Variants in ANO10 observed in about 807,000 individuals in gnomAD.
The protein encoded by ANO10 is anoctamin-10.
ANO10 carries 77 observed loss-of-function variants against 74.7 expected under a neutral mutation model. The observed-to-expected ratio is 1.03, with a 90% CI of 0.86 to 1.25. ANO10 has a LOEUF of 1.25. Ranked by LOEUF, ANO10 falls within the 50% of genes most tolerant of loss-of-function variation. ANO10 has a pLI of 0.00. For synonymous variants in ANO10, 279 were observed against 284.9 expected, an observed-to-expected ratio of 0.98 and a Z score of 0.21; for missense variants, 721 against 778.1, an observed-to-expected ratio of 0.93 and a Z score of 0.87.
intron 11 of ANO10, among the ~76,000 whole-genome samples, chr3:43,513,658 C>T (rs1180643951): frequency 6.6e-6 from 1 of 152,158 alleles, no homozygotes; most frequent in Non-Finnish European, 1.5e-5. Flanking sequence ...CTACAGGCGC[C>T]TGCCACCACG....
intron 8 of ANO10, among the ~76,000 whole-genome samples, chr3:43,562,165 G>C (rs544389147): frequency 1.3e-5 from 2 of 151,992 alleles, no homozygotes; most frequent in East Asian, 3.9e-4. Context: ...GAGATGGAAA[G>C]TTTGAGGCCG....
intron 5 of ANO10, 127 bp from the exon 6 acceptor site, chr3:43,577,388 T>C (rs148388173): frequency 1.1e-6 from 1 of 934,974 alleles, no homozygotes; most frequent in Non-Finnish European, 1.7e-6. Context: ...AAACAGCGTG[T>C]GGTGGTAAAT....
chr3:43,690,902 C>A, intron 1 of ANO10: 1 of 1,388,840 alleles, frequency 7.2e-7, no homozygotes, highest in Non-Finnish European at 9.5e-7. Flanking sequence ...TGGCGGCCTG[C>A]GCCGCCTTAA....
At chr3:43,598,857 T>G (rs919637427) in intron 3 of ANO10, among the ~76,000 whole-genome samples, 191 bp from the exon 4 acceptor site, 1 of 152,254 alleles carries the variant, frequency 6.6e-6, no homozygotes, top group Non-Finnish European at 1.5e-5. Context: ...AATTCTGTTA[T>G]GCCTTCACGT....
chr3:43,547,347 C>CAA (rs1454265683), intron 11 of ANO10, among the ~76,000 whole-genome samples: 1 of 152,122 alleles, frequency 6.6e-6, no homozygotes, highest in African/African-American at 2.4e-5. Flanking sequence ...GTTGCCAGAA[C>CAA]AAAGTTATCA....
At chr3:43,539,315 C>T (rs951105849) in intron 11 of ANO10, among the ~76,000 whole-genome samples, 4 of 151,986 alleles carry the variant, frequency 2.6e-5, no homozygotes, top group Non-Finnish European at 5.9e-5. Flanking sequence ...CTATTTTCAA[C>T]TTTCTAAAGC....
chr3:43,652,871 A>G (rs1039262869), intron 1 of ANO10: 1 of 152,104 alleles, frequency 6.6e-6, no homozygotes, highest in African/African-American at 2.4e-5. Flanking sequence ...AGTGTTAATA[A>G]CATCATTAAT....
chr3:43,376,217 G>A (rs560445590), intron 12 of ANO10, among the ~76,000 whole-genome samples: 3 of 152,328 alleles, frequency 2.0e-5, no homozygotes, highest in African/African-American at 7.2e-5. Flanking sequence ...AACAAGAAAG[G>A]TTAAAATAAG....
chr3:43,639,753 C>A (rs567242735), intron 1 of ANO10, among the ~76,000 whole-genome samples: 2 of 146,868 alleles, frequency 1.4e-5, no homozygotes, highest in Non-Finnish European at 3.0e-5. Flanking sequence ...TCCAGCCTGG[C>A]GACAGAGTAA....
chr3:43,616,321 C>T (rs1408952092), intron 1 of ANO10, among the ~76,000 whole-genome samples: 1 of 152,208 alleles, frequency 6.6e-6, no homozygotes, highest in Admixed American at 6.5e-5. Flanking sequence ...GAATCCAATG[C>T]TCTTTGAACA....
intron 11 of ANO10, among the ~76,000 whole-genome samples, chr3:43,461,203 A>G (rs2075363430): frequency 1.3e-5 from 2 of 152,312 alleles, no homozygotes; most frequent in South Asian, 4.1e-4. Flanking sequence ...TAAATGTTCT[A>G]TAGAAATTAA....
Position 43,561,768 on chromosome 3 carries a change from C to T in ANO10, c.1294-366G>A, listed in dbSNP as rs115366052. ...TATGTTAACTACCCTGATCTGACTG[C>T]GATACATTTTATGTATTAAAACATC... On this transcript the variant is annotated intron_variant, in intron 8 of 12. Transcript: ENST00000292246. Among the ~76,000 whole-genome samples the T allele has an allele frequency of 5.3e-3, 807 of 152,088 alleles. 2 individuals are homozygous for T. The highest frequency in any genetic ancestry group is 0.01 in the Admixed American group (158 of 15,278).
At chr3:43,410,672 C>T (rs573994740) in intron 12 of ANO10, among the ~76,000 whole-genome samples, 7 of 152,114 alleles carry the variant, frequency 4.6e-5, no homozygotes, top group South Asian at 2.1e-4. Flanking sequence ...TGAGAACACA[C>T]GGATATACCT....
At chr3:43,441,582 A>G (rs2093160730) in intron 11 of ANO10, among the ~76,000 whole-genome samples, 1 of 152,160 alleles carries the variant, frequency 6.6e-6, no homozygotes, top group Non-Finnish European at 1.5e-5. Context: ...CCAAACATTT[A>G]AAGAAGAATT....
At chr3:43,587,336 T>A (rs1253597208) in intron 4 of ANO10, among the ~76,000 whole-genome samples, 1 of 152,008 alleles carries the variant, frequency 6.6e-6, no homozygotes, top group South Asian at 2.1e-4. Context: ...CTGGAAGAGA[T>A]CTGGGCCACA....
At chr3:43,658,659 G>A (rs568600226) in intron 1 of ANO10, among the ~76,000 whole-genome samples, 5 of 152,030 alleles carry the variant, frequency 3.3e-5, no homozygotes, top group African/African-American at 7.2e-5. Context: ...TAGTAGAGAC[G>A]GGATTTCACC....
intron 11 of ANO10, among the ~76,000 whole-genome samples, chr3:43,462,865 C>T (rs1222008657): frequency 1.3e-5 from 2 of 152,174 alleles, no homozygotes; most frequent in Non-Finnish European, 2.9e-5. Context: ...CTGAAAGGGG[C>T]CAATGTAGAG....
chr3:43,393,828 G>A (rs2092324796), intron 12 of ANO10, among the ~76,000 whole-genome samples: 1 of 151,980 alleles, frequency 6.6e-6, no homozygotes, highest in African/African-American at 2.4e-5. Context: ...CTCCTCCAAT[G>A]CTCAGAGACT....
chr3:43,551,832 G>C (rs150310241), intron 10 of ANO10, among the ~76,000 whole-genome samples: 3 of 152,046 alleles, frequency 2.0e-5, no homozygotes, highest in Admixed American at 6.6e-5. Flanking sequence ...TATTTGACTT[G>C]AGATTCTTAG....
Sources: allele counts gnomAD v4.1 joint callset (sites outside exome capture counted in the v4.1 genomes callset), GRCh38; gene constraint gnomAD v4.1.1; transcripts MANE v1.5; gene names NCBI Gene and HGNC (gene_info 2026-07-23, HGNC 2026-07-21).